SBNO2: variants seen among roughly 807,000 people sequenced by gnomAD.
The protein encoded by SBNO2 is protein strawberry notch homolog 2.
In SBNO2, 89 loss-of-function variants were observed where a neutral mutation model predicts 146.3. The observed-to-expected ratio is 0.61, with a 90% confidence interval of 0.51 to 0.73. SBNO2 has a LOEUF of 0.73. Ranked by LOEUF, SBNO2 falls within the 30% of genes least tolerant of loss-of-function variation. The pLI is 0.00. For synonymous variants in SBNO2, 1,147 were observed against 892.6 expected (o/e 1.29, Z -5.08); for missense variants, 2,092 against 2,003.7 (o/e 1.04, Z -0.84).
rs1568631560 is a variant in SBNO2 at position 1,157,445 on chromosome 19, A to C, written c.-126-3043T>G. 7.0e-6 allele frequency among the ~76,000 whole-genome samples: 1 copy of C among 143,060 alleles called. No homozygotes were observed. The highest frequency in any genetic ancestry group is 7.0e-5 in the Admixed American group (1 of 14,226). The allele number at this position is 143,060 out of a possible 152,430, so 93.9% of individuals were successfully genotyped here. A position where few individuals can be genotyped will look rare whatever the true frequency, so the allele number is the denominator to read the frequency against. On this transcript the variant is annotated intron_variant, in intron 1 of 31. Transcript: ENST00000361757. The surrounding 1 kb of genome is among the most constrained non-coding windows in gnomAD (Gnocchi z 6.8). ...CCTCTCCCCACGCGGCCCCGGTGACACGGCCCACCCCGAGCCTCAGAGCCA... is the reference window on the plus strand; with the variant it reads ...CCTCTCCCCACGCGGCCCCGGTGACCCGGCCCACCCCGAGCCTCAGAGCCA...
chr19:1,173,756 C>A lies in SBNO2; in HGVS notation c.-127+416G>T, dbSNP rs2080503538. ...AAGCGGGTGCGGGGTCACCAAGGGGCTCGGGGGCACCGATGAGTGCGGGGT... is the reference window on the plus strand; with the variant it reads ...AAGCGGGTGCGGGGTCACCAAGGGGATCGGGGGCACCGATGAGTGCGGGGT... On this transcript the variant is annotated intron_variant, in intron 1 of 31. Transcript: ENST00000361757. This position sits in a 1 kb window ranked among gnomAD's most constrained non-coding sequence, Gnocchi z 4.7. 1 of 152,358 alleles carries A rather than the reference C, an allele frequency of 6.6e-6. No homozygotes were observed. The allele number at this position is 152,358 out of a possible 1,614,324, so 9.4% of individuals were successfully genotyped here.
At chr19:1,159,208 G>A (rs1204434668) in intron 1 of SBNO2, among the ~76,000 whole-genome samples, 1 of 151,844 alleles carries the variant, frequency 6.6e-6, no homozygotes, top group Non-Finnish European at 1.5e-5. Context: ...GGCGGGGGCT[G>A]GCGATTTCAC....
Position 1,108,781 on chromosome 19 carries a change from A to C in SBNO2, c.3614T>G (p.Val1205Gly). Residue 1205 changes from valine to glycine, a missense_variant and splice_region_variant, in exon 31 of 32, where the codon GTG becomes GGG. Physicochemically the swap from Val to Gly is moderately radical, Grantham distance 109 (BLOSUM62 -3). Transcript: ENST00000361757. The stretch of plus-strand genomic sequence containing the variant: ...CGGGGCGCCCGCCGCCCACTCACCC[A>C]CTTGCTTCTTCCTGTCCTTGGTCTT... ...RLKTKDRKKQ[V>G]GIKIPEGCVR... 1 of 1,602,150 alleles carries C rather than the reference A, an allele frequency of 6.2e-7. No individual in the cohort carries two copies. Among genetic ancestry groups the C allele is most frequent in the Non-Finnish European group, 8.5e-7 (1 of 1,178,742 alleles).
At chr19:1,123,917 G>C (rs1179153158) in intron 6 of SBNO2, 25 bp downstream of exon 6, 1 of 1,604,246 alleles carries the variant, frequency 6.2e-7, no homozygotes, top group Non-Finnish European at 8.5e-7. Flanking sequence ...GCAGGGGAGG[G>C]AGCTCTCGGC....
intron 1 of SBNO2, among the ~76,000 whole-genome samples, chr19:1,154,663 A>G (rs1037834470): frequency 6.6e-6 from 1 of 152,162 alleles, no homozygotes; most frequent in Non-Finnish European, 1.5e-5. Context: ...TGGGCCCGAC[A>G]GGGCTGCCCA....
intron 4 of SBNO2, among the ~76,000 whole-genome samples, chr19:1,134,673 G>T (rs1051691939): frequency 6.6e-6 from 1 of 152,192 alleles, no homozygotes; most frequent in Non-Finnish European, 1.5e-5. Context: ...TGATGGGAAC[G>T]GGGCTTCCTG....
intron 7 of SBNO2, 147 bp from the exon 8 acceptor site, chr19:1,123,192 G>A: frequency 1.1e-6 from 1 of 944,134 alleles, no homozygotes. Context: ...GCGGGTCATG[G>A]GCGTGGCCAG....
Position 1,108,458 on chromosome 19 carries a change from A to G in SBNO2, c.3863T>C (p.Val1288Ala). 1 of 1,230,678 alleles carries G rather than the reference A, an allele frequency of 8.1e-7. No homozygotes were observed. Among genetic ancestry groups the G allele is most frequent in the Admixed American group, 4.6e-5 (1 of 21,660 alleles). The allele number at this position is 1,230,678 out of a possible 1,614,324, so 76.2% of individuals were successfully genotyped here. A position where few individuals can be genotyped will look rare whatever the true frequency, so the allele number is the denominator to read the frequency against. Residue 1288 changes from valine (V) to alanine (A), a missense_variant, in exon 32 of 32, where the codon GTC becomes GCC. By Grantham distance (64) the Val-to-Ala change is moderately conservative. Coordinates refer to ENST00000361757, the MANE Select transcript of SBNO2 (RefSeq NM_014963.3). ...GGCGTCGGGGGTGCCCAGCGGCACG[A>G]CGCCGGGGCCGGCGTCCAGGGACAG... ...APLSLDAGPG[V>A]VPLGTPDAQA...
chr19:1,152,411 T>C lies in SBNO2; in HGVS notation c.93+1773A>G, dbSNP rs548910118. On this transcript the variant is annotated intron_variant, in intron 2 of 31. Coordinates refer to ENST00000361757, the MANE Select transcript of SBNO2 (RefSeq NM_014963.3). ...TAGTCCCCAGGGTGTGTTTCCGAGATAGAATTCTTGGATCGGAACAAGCTC... is the reference window on the plus strand; with the variant it reads ...TAGTCCCCAGGGTGTGTTTCCGAGACAGAATTCTTGGATCGGAACAAGCTC... Among the ~76,000 whole-genome samples the C allele has an allele frequency of 1.2e-4, 19 of 152,256 alleles. No homozygotes were observed. The South Asian group carries it at 3.1e-3, about 25-fold the overall frequency.
intron 24 of SBNO2, 127 bp from the exon 25 acceptor site, chr19:1,111,220 G>C (rs2079755485): frequency 3.8e-6 from 4 of 1,065,152 alleles, no homozygotes; most frequent in Non-Finnish European, 4.0e-6. Flanking sequence ...TAGGGCCAGG[G>C]CCAGGGCCAG....
chr19:1,112,040 C>T lies in SBNO2; in HGVS notation c.2656G>A (p.Ala886Thr). The change falls in exon 23 of 32, where the codon GCC (alanine) becomes ACC (threonine). Residue 886 changes from alanine to threonine, a missense_variant. Physicochemically the swap from Ala to Thr is moderately conservative, Grantham distance 58. Transcript: ENST00000361757. This position sits in a 1 kb window ranked among gnomAD's most constrained non-coding sequence, Gnocchi z 5.9. Reference protein sequence around the residue: ...LGALTHGDRRATESRDLSKYN... With the variant: ...LGALTHGDRRTTESRDLSKYN... ...TTGCTGAGGTCACGGGACTCCGTGG[C>T]GCGGCGGTCTCCGTGGGTCAGGGCC... 2 of 1,612,432 alleles carry T rather than the reference C, an allele frequency of 1.2e-6. No homozygotes were observed. Among genetic ancestry groups the T allele is most frequent in the Non-Finnish European group, 1.7e-6 (2 of 1,179,754 alleles).
At chr19:1,114,670 G>C (rs2079810377) in intron 17 of SBNO2, among the ~76,000 whole-genome samples, 1 of 152,188 alleles carries the variant, frequency 6.6e-6, no homozygotes, top group Non-Finnish European at 1.5e-5. Flanking sequence ...TTGAGACGGA[G>C]TCTTACTCTG....
rs1219226252 is a variant in SBNO2, at chr19:1,150,495, C to T, written c.94-1053G>A. ...GCCGTCACGGATGCCCCCACGGTCA[C>T]GGGGGAGACCCTGCCGTCACGGACG... is the stretch of plus-strand genomic sequence containing the variant. On this transcript the variant is annotated intron_variant, in intron 2 of 31. Transcript: ENST00000361757. The surrounding 1 kb of genome is among the most constrained non-coding windows in gnomAD (Gnocchi z 6.2). Among the ~76,000 whole-genome samples, 5 of 150,806 alleles carry T rather than the reference C, an allele frequency of 3.3e-5. No homozygotes were observed. In the East Asian group the frequency reaches 5.9e-4, roughly 18 times the overall value.
intron 4 of SBNO2, among the ~76,000 whole-genome samples, chr19:1,137,173 G>A (rs1007523871): frequency 7.0e-6 from 1 of 143,226 alleles, no homozygotes; most frequent in Admixed American, 7.0e-5. Context: ...GCTGGGGAGA[G>A]GCTTGGGCTG....
intron 14 of SBNO2, 129 bp downstream of exon 14, chr19:1,118,882 A>AC (rs1209090217): frequency 3.9e-6 from 2 of 509,376 alleles, no homozygotes; most frequent in Admixed American, 5.7e-5. Context: ...AAAAACAACA[A>AC]AAAAAAAACC....
At chr19:1,151,264 C>T (rs756287758) in intron 2 of SBNO2, among the ~76,000 whole-genome samples, 46 of 152,242 alleles carry the variant, frequency 3.0e-4, no homozygotes, top group Middle Eastern at 3.4e-3. Context: ...CCAGGCTGGG[C>T]AGGGCCACGG....
chr19:1,152,448 CG>C (rs1245724825), intron 2 of SBNO2, among the ~76,000 whole-genome samples: 24 of 152,112 alleles, frequency 1.6e-4, no homozygotes, highest in Admixed American at 1.5e-3. Context: ...TGGCGGGTTT[CG>C]GGGGATGGAG....
intron 4 of SBNO2, chr19:1,132,073 C>A: frequency 6.6e-7 from 1 of 1,518,478 alleles, no homozygotes; most frequent in Non-Finnish European, 8.8e-7. Flanking sequence ...TCGCCCGCCC[C>A]GGGAAGGGAG....
At chr19:1,119,283 G>T in intron 13 of SBNO2, 119 bp from the exon 14 acceptor site, 1 of 1,250,384 alleles carries the variant, frequency 8.0e-7, no homozygotes, top group Non-Finnish European at 1.1e-6. Flanking sequence ...AGCCCTGGCG[G>T]CCACTGAGGC....
Sources: gnomAD v4.1 joint callset for allele counts (sites outside exome capture counted in the v4.1 genomes callset) on GRCh38, gnomAD v4.1.1 for gene constraint, Gnocchi (gnomAD v3.1) non-coding constraint, MANE v1.5 for transcripts, NCBI Gene and HGNC (gene_info 2026-07-23, HGNC 2026-07-21) for gene names.